ASH1L: variants seen among roughly 807,000 people sequenced by gnomAD.
ASH1L encodes the protein histone-lysine N-methyltransferase ASH1L.
A neutral mutation model predicts 269.0 loss-of-function variants in ASH1L; 23 were observed. The observed-to-expected ratio is 0.09, with a 90% CI of 0.06 to 0.12. The LOEUF (loss-of-function observed/expected upper bound fraction) is 0.12. Among genes scored for constraint, ASH1L ranks in the 10% least tolerant of loss-of-function variants. The probability of loss-of-function intolerance (pLI) is 1.00; values close to 1 mark genes in which losing one functional copy is unlikely to be tolerated. For missense variants in ASH1L, 2,912 were observed against 3,567.8 expected (o/e 0.82, Z 4.68); for synonymous variants, 1,187 against 1,253.5 (o/e 0.95, Z 1.12).
intron 4 of ASH1L, among the ~76,000 whole-genome samples, chr1:155,441,433 C>G (rs1412788867): frequency 6.8e-6 from 1 of 148,136 alleles, no homozygotes; most frequent in African/African-American, 2.5e-5. Flanking sequence ...TATCAACCAC[C>G]AGATATTTGA....
rs114644818 is a variant in ASH1L at position 155,421,982 on chromosome 1, C to T, written c.5829-6059G>A. Reference sequence around the variant, plus strand: ...TCCACATCTTTTTCATCCTCCCAGACAGAATAACTGATCCTATTAAAGAAA... The same window carrying T: ...TCCACATCTTTTTCATCCTCCCAGATAGAATAACTGATCCTATTAAAGAAA... On this transcript the variant is annotated intron_variant, in intron 5 of 27. Transcript: ENST00000392403. Among the ~76,000 whole-genome samples the T allele has an allele frequency of 3.8e-3, 577 of 152,268 alleles. 3 individuals are homozygous for T. Among genetic ancestry groups the T allele is most frequent in the African/African-American group, 0.013 (552 of 41,562 alleles).
At chr1:155,529,737 T>C (rs1669527104) in intron 1 of ASH1L, among the ~76,000 whole-genome samples, 1 of 152,140 alleles carries the variant, frequency 6.6e-6, no homozygotes, top group African/African-American at 2.4e-5. Flanking sequence ...CAAAACCCTT[T>C]CGTAGGCTTC....
chr1:155,472,716 G>A (rs1195662898), intron 3 of ASH1L, among the ~76,000 whole-genome samples: 9 of 152,272 alleles, frequency 5.9e-5, no homozygotes, highest in South Asian at 2.1e-4. Flanking sequence ...TATTATCCAC[G>A]AAATGTGGAC....
At chr1:155,558,079 T>C (rs964012490) in intron 1 of ASH1L, among the ~76,000 whole-genome samples, 1 of 152,142 alleles carries the variant, frequency 6.6e-6, no homozygotes, top group Non-Finnish European at 1.5e-5. Context: ...GAAATGAAGG[T>C]GGCCAATTCA....
At chr1:155,374,018 C>T (rs1656210641) in intron 10 of ASH1L, among the ~76,000 whole-genome samples, 1 of 152,114 alleles carries the variant, frequency 6.6e-6, no homozygotes, top group African/African-American at 2.4e-5. Context: ...GTCAAAATAT[C>T]ATGTTATATT....
intron 1 of ASH1L, among the ~76,000 whole-genome samples, chr1:155,527,683 G>C (rs920610014): frequency 2.6e-5 from 4 of 151,856 alleles, no homozygotes; most frequent in African/African-American, 9.7e-5. Context: ...CAAGTAGCTA[G>C]AAATACAGGC....
At chr1:155,340,439 C>A (rs1435474713) in intron 25 of ASH1L, among the ~76,000 whole-genome samples, 1 of 152,108 alleles carries the variant, frequency 6.6e-6, no homozygotes, top group African/African-American at 2.4e-5. Context: ...CCTCAGCCTC[C>A]CAAAGTTCTG....
chr1:155,539,423 C>T (rs1670271901), intron 1 of ASH1L, among the ~76,000 whole-genome samples: 1 of 146,934 alleles, frequency 6.8e-6, no homozygotes. Context: ...CAAGCTACAT[C>T]CAGAAAGGTG....
At chr1:155,497,974 G>A (rs893636278) in intron 2 of ASH1L, among the ~76,000 whole-genome samples, 4 of 151,984 alleles carry the variant, frequency 2.6e-5, no homozygotes, top group East Asian at 1.9e-4. Flanking sequence ...GGATGGTCTC[G>A]ATCTCCTGAC....
chr1:155,494,831 A>C (rs2148775354), intron 2 of ASH1L, among the ~76,000 whole-genome samples: 1 of 152,302 alleles, frequency 6.6e-6, no homozygotes, highest in Non-Finnish European at 1.5e-5. Context: ...TAACCGAGTG[A>C]GGGTGAATGT....
At chr1:155,439,643 T>TGG (rs1356995388) in intron 4 of ASH1L, among the ~76,000 whole-genome samples, 4 of 152,134 alleles carry the variant, frequency 2.6e-5, no homozygotes, top group African/African-American at 9.7e-5. Context: ...GAGGCTGCAG[T>TGG]GAGTCACTGC....
chr1:155,463,862 T>G (rs1664483957), intron 3 of ASH1L, among the ~76,000 whole-genome samples: 1 of 152,246 alleles, frequency 6.6e-6, no homozygotes, highest in Non-Finnish European at 1.5e-5. Flanking sequence ...AGAACTAACC[T>G]ATTAACATCA....
At chr1:155,396,665 A>G (rs1049504604) in intron 6 of ASH1L, among the ~76,000 whole-genome samples, 2 of 151,956 alleles carry the variant, frequency 1.3e-5, no homozygotes, top group Admixed American at 6.6e-5. Flanking sequence ...TAACGAAATT[A>G]TAACATACTG....
intron 2 of ASH1L, among the ~76,000 whole-genome samples, chr1:155,507,649 A>T (rs1239926455): frequency 6.6e-6 from 1 of 152,190 alleles, no homozygotes; most frequent in African/African-American, 2.4e-5. Flanking sequence ...AGGCAGGAGG[A>T]TCGATTCAGC....
intron 5 of ASH1L, among the ~76,000 whole-genome samples, chr1:155,424,943 A>G (rs1009983146): frequency 6.6e-6 from 1 of 151,296 alleles, no homozygotes; most frequent in East Asian, 1.9e-4. Flanking sequence ...AGCTGGGAGT[A>G]TAGACACCCA....
chr1:155,541,892 C>T (rs1670447522), intron 1 of ASH1L, among the ~76,000 whole-genome samples: 2 of 151,936 alleles, frequency 1.3e-5, no homozygotes, highest in Admixed American at 1.3e-4. Flanking sequence ...CCAACAAGTC[C>T]TTCTAGAAAC....
intron 2 of ASH1L, among the ~76,000 whole-genome samples, chr1:155,508,834 G>T (rs1329192154): frequency 6.6e-6 from 1 of 152,032 alleles, no homozygotes; most frequent in African/African-American, 2.4e-5. Flanking sequence ...CAAAAGAAAA[G>T]AATAAAAAGG....
At chr1:155,405,499 AAAC>A (rs780789847) in intron 6 of ASH1L, among the ~76,000 whole-genome samples, 18 of 152,126 alleles carry the variant, frequency 1.2e-4, no homozygotes, top group African/African-American at 1.9e-4. Context: ...CAAACAAACA[AAAC>A]AACAACAACA....
chr1:155,409,454 A>G (rs561402018), intron 6 of ASH1L, among the ~76,000 whole-genome samples: 6 of 152,304 alleles, frequency 3.9e-5, no homozygotes, highest in Non-Finnish European at 8.8e-5. Context: ...TTATGTACCA[A>G]TTACAATGGG....
Sources: allele counts gnomAD v4.1 joint callset (sites outside exome capture counted in the v4.1 genomes callset), GRCh38; gene constraint gnomAD v4.1.1; transcripts MANE v1.5; gene names NCBI Gene and HGNC (gene_info 2026-07-23, HGNC 2026-07-21).